DNM3: variants seen among roughly 807,000 people sequenced by gnomAD.
DNM3 encodes dynamin-3.
In DNM3, 47 loss-of-function variants were observed where a neutral mutation model predicts 101.6. The ratio of observed to expected loss-of-function variants is 0.46; its 90% CI spans 0.37 to 0.59. The LOEUF (loss-of-function observed/expected upper bound fraction) is 0.59, where lower values mean the gene tolerates loss of function less well. Among genes scored for constraint, DNM3 ranks in the 20% least tolerant of loss-of-function variants. The pLI, the probability that DNM3 is intolerant of heterozygous loss-of-function variation, is 0.00. For missense variants in DNM3, 849 were observed against 1,085.7 expected, an observed-to-expected ratio of 0.78 and a Z score of 3.06; for synonymous variants, 385 against 387.9, an observed-to-expected ratio of 0.99 and a Z score of 0.09.
chr1:172,038,414 A>G lies in DNM3; in HGVS notation c.945A>G (p.Lys315=). 22 of 1,613,452 alleles carry G rather than the reference A, an allele frequency of 1.4e-5. No homozygotes were observed. The highest frequency in any genetic ancestry group is 1.9e-5 in the Non-Finnish European group (22 of 1,179,550). The stretch of plus-strand genomic sequence containing the variant: ...TAGAACATGAAGTAGAAGCCTACAA[A>G]AATTTCAAACCAGAAGACCCAACAA... The part of the protein sequence containing the change: ...LSIEHEVEAY[K]NFKPEDPTRK... Residue 315 remains lysine (K), a synonymous_variant, in exon 7 of 21, where the codon AAA becomes AAG. Transcript: ENST00000627582.
chr1:172,243,622 G>A (rs2061828977), intron 14 of DNM3, among the ~76,000 whole-genome samples: 1 of 152,190 alleles, frequency 6.6e-6, no homozygotes, highest in Non-Finnish European at 1.5e-5. Flanking sequence ...CATGAAGCCA[G>A]TGGTCTAAAG....
intron 14 of DNM3, among the ~76,000 whole-genome samples, chr1:172,135,801 A>G (rs565566207): frequency 6.6e-6 from 1 of 152,192 alleles, no homozygotes; most frequent in Non-Finnish European, 1.5e-5. Context: ...TAAAATGTGA[A>G]TTTTAGGAGA....
At chr1:172,335,033 T>A (rs549323700) in intron 17 of DNM3, among the ~76,000 whole-genome samples, 16 of 152,184 alleles carry the variant, frequency 1.1e-4, no homozygotes, top group Non-Finnish European at 1.8e-4. Flanking sequence ...TCTGAGTCTT[T>A]ATCAGGAAAA....
chr1:172,289,888 A>G, intron 15 of DNM3: 1 of 972,888 alleles, frequency 1.0e-6, no homozygotes, highest in Non-Finnish European at 1.2e-6. Flanking sequence ...GTTTTATTGT[A>G]CTGTTGGGTT....
intron 12 of DNM3, among the ~76,000 whole-genome samples, chr1:172,090,062 C>A (rs566623869): frequency 2.6e-5 from 4 of 152,120 alleles, no homozygotes; most frequent in Non-Finnish European, 5.9e-5. Flanking sequence ...AACTTCTTTT[C>A]CCTTAAGTGA....
chr1:172,381,018 T>C (rs940364983), intron 18 of DNM3: 1 of 149,256 alleles, frequency 6.7e-6, no homozygotes, highest in Non-Finnish European at 1.5e-5. Context: ...ATTGCAAATC[T>C]ATCCTACTTT....
chr1:171,921,487 G>A (rs2040166443), intron 1 of DNM3, among the ~76,000 whole-genome samples: 1 of 152,102 alleles, frequency 6.6e-6, no homozygotes, highest in Admixed American at 6.5e-5. Flanking sequence ...ACTTTTATCA[G>A]TTTCAGCTAG....
At chr1:172,093,832 T>C (rs2054074846) in intron 13 of DNM3, 1 of 1,139,068 alleles carries the variant, frequency 8.8e-7, no homozygotes, top group African/African-American at 1.6e-5. Context: ...TACTAATTTT[T>C]TTTAAACTTA....
intron 14 of DNM3, among the ~76,000 whole-genome samples, chr1:172,184,721 G>A (rs975013647): frequency 2.0e-5 from 3 of 152,092 alleles, no homozygotes; most frequent in Non-Finnish European, 2.9e-5. Context: ...TATTAAGTAC[G>A]GAATCTGACC....
intron 4 of DNM3, among the ~76,000 whole-genome samples, chr1:172,029,146 T>C (rs1435936090): frequency 6.6e-6 from 1 of 152,204 alleles, no homozygotes; most frequent in Non-Finnish European, 1.5e-5. Context: ...TGAACATTGA[T>C]GCAAAAATCC....
At chr1:172,094,891 G>A (rs140665375) in intron 13 of DNM3, among the ~76,000 whole-genome samples, 185 of 152,248 alleles carry the variant, frequency 1.2e-3, no homozygotes, top group South Asian at 4.1e-4. Context: ...CAGAAGCATC[G>A]CTTAGCTCAC....
At chr1:172,343,861 A>G (rs762934646) in intron 17 of DNM3, among the ~76,000 whole-genome samples, 1 of 152,200 alleles carries the variant, frequency 6.6e-6, no homozygotes, top group African/African-American at 2.4e-5. Flanking sequence ...CCAAACAGAT[A>G]ACACCATCTC....
chr1:172,054,993 C>T (rs750716847), intron 10 of DNM3, among the ~76,000 whole-genome samples: 34 of 85,226 alleles, frequency 4.0e-4, no homozygotes, highest in Middle Eastern at 0.014. Flanking sequence ...AAAAGAAATA[C>T]AGGGAAAGAT....
chr1:171,884,813 T>C (rs148180624), intron 1 of DNM3, among the ~76,000 whole-genome samples: 69 of 152,310 alleles, frequency 4.5e-4, no homozygotes, highest in African/African-American at 1.6e-3. Context: ...AATTTCTGCT[T>C]CTGATACATT....
chr1:171,963,768 G>GTATATA lies in DNM3; in HGVS notation c.236-23879_236-23874dup, dbSNP rs138942214. On this transcript the variant is annotated intron_variant, in intron 2 of 20. Transcript: ENST00000627582. ...TATATATTATCTCTATATAGATAAC[G>GTATATA]TATATATATATATAAAATCACAGCC... Among the ~76,000 whole-genome samples the GTATATA allele has an allele frequency of 7.4e-5, 11 of 148,036 alleles. No individual in the cohort carries two copies. The East Asian group carries it at 1.2e-3, about 16-fold the overall frequency.
intron 20 of DNM3, among the ~76,000 whole-genome samples, chr1:172,407,172 T>G (rs1469072981): frequency 6.6e-6 from 1 of 150,980 alleles, no homozygotes; most frequent in Non-Finnish European, 1.5e-5. Flanking sequence ...CTAAAGTCTT[T>G]AAGACCCAAA....
chr1:172,275,331 C>G (rs2063241508), intron 15 of DNM3, among the ~76,000 whole-genome samples: 1 of 151,936 alleles, frequency 6.6e-6, no homozygotes, highest in African/African-American at 2.4e-5. Context: ...CATGCAGGCT[C>G]AATATTTGTC....
At chr1:172,241,702 C>A (rs1044681296) in intron 14 of DNM3, among the ~76,000 whole-genome samples, 3 of 152,092 alleles carry the variant, frequency 2.0e-5, no homozygotes, top group Admixed American at 2.0e-4. Flanking sequence ...AATCAGGAAG[C>A]CACTGTTCCA....
At chr1:171,926,271 A>C (rs898842355) in intron 2 of DNM3, among the ~76,000 whole-genome samples, 5 of 152,202 alleles carry the variant, frequency 3.3e-5, no homozygotes, top group Admixed American at 6.5e-5. Context: ...GTAATTTGAT[A>C]GGAATTGCAT....
Sources: gnomAD v4.1 joint callset for allele counts (sites outside exome capture counted in the v4.1 genomes callset) on GRCh38, gnomAD v4.1.1 for gene constraint, MANE v1.5 for transcripts, NCBI Gene and HGNC (gene_info 2026-07-23, HGNC 2026-07-21) for gene names.